The following TMEM44 variants were observed in gnomAD, a reference collection of about 807,000 sequenced individuals.
The protein encoded by TMEM44 is transmembrane protein 44.
Under a neutral mutation model 47.8 loss-of-function variants are expected in TMEM44, and 43 were observed. The observed-to-expected ratio is 0.90, with a 90% CI of 0.70 to 1.16. The LOEUF (loss-of-function observed/expected upper bound fraction) is 1.16. Ranked by LOEUF, TMEM44 falls within the 50% of genes most tolerant of loss-of-function variation. The pLI is 0.00. For missense variants in TMEM44, 568 were observed against 555.2 expected (o/e 1.02, Z -0.23); for synonymous variants, 277 against 238.8 (o/e 1.16, Z -1.48).
At chr3:194,592,946 G>T in intron 9 of TMEM44, 1 of 1,420,314 alleles carries the variant, frequency 7.0e-7, no homozygotes, top group Non-Finnish European at 9.9e-7. Context: ...AATTTGTCAT[G>T]GGTCTAGCCA....
chr3:194,589,461 CTTG>C (rs1164524028), intron 9 of TMEM44: 3 of 152,260 alleles, frequency 2.0e-5, no homozygotes, highest in African/African-American at 4.8e-5. Flanking sequence ...GGACATCTGC[CTTG>C]TTGTCTCAGG....
At chr3:194,610,827 C>A (rs1489818450) in intron 8 of TMEM44, 89 bp downstream of exon 8, 1 of 1,143,268 alleles carries the variant, frequency 8.7e-7, no homozygotes, top group Non-Finnish European at 1.3e-6. Context: ...CCTGCTCATC[C>A]CTCAGCTAAA....
intron 9 of TMEM44, among the ~76,000 whole-genome samples, chr3:194,594,159 CTATCTA>C (rs1313596127): frequency 1.2e-4 from 18 of 151,066 alleles, no homozygotes; most frequent in East Asian, 5.9e-4. Context: ...ATCTATCTAT[CTATCTA>C]TATCTATCTA....
intron 9 of TMEM44, among the ~76,000 whole-genome samples, chr3:194,590,770 T>C (rs1403980212): frequency 6.6e-6 from 1 of 152,158 alleles, no homozygotes; most frequent in Non-Finnish European, 1.5e-5. Flanking sequence ...AGGGTGATTC[T>C]TAGATGCCCT....
At chr3:194,608,976 C>T (rs908566121) in intron 8 of TMEM44, among the ~76,000 whole-genome samples, 1 of 152,174 alleles carries the variant, frequency 6.6e-6, no homozygotes, top group Non-Finnish European at 1.5e-5. Flanking sequence ...CAGGAGGCTG[C>T]TGGACTCAAG....
chr3:194,589,663 A>G (rs1205862667), intron 9 of TMEM44: 1 of 152,132 alleles, frequency 6.6e-6, no homozygotes, highest in Non-Finnish European at 1.5e-5. Flanking sequence ...GGGGTGAGTG[A>G]CGGGTTAATA....
At chr3:194,612,757 T>C (rs1628835) in intron 7 of TMEM44, among the ~76,000 whole-genome samples, 73,658 of 152,024 alleles carry the variant, frequency 0.48, 18,693 homozygotes, top group Non-Finnish European at 0.55. Flanking sequence ...CTCCGCCTTC[T>C]GGGTTCACGC....
chr3:194,603,844 G>A (rs995388362), intron 9 of TMEM44, among the ~76,000 whole-genome samples: 3 of 151,374 alleles, frequency 2.0e-5, no homozygotes, highest in Non-Finnish European at 2.9e-5. Flanking sequence ...GGGGCCCCAC[G>A]GAAGTTCATT....
At chr3:194,600,248 C>G (rs1055470064) in intron 9 of TMEM44, among the ~76,000 whole-genome samples, 3 of 152,032 alleles carry the variant, frequency 2.0e-5, no homozygotes, top group African/African-American at 7.2e-5. Flanking sequence ...TGTACCACTA[C>G]GCCAAGCTAA....
intron 2 of TMEM44, among the ~76,000 whole-genome samples, chr3:194,626,681 G>GTT (rs61419904): frequency 7.7e-4 from 102 of 133,092 alleles, no homozygotes; most frequent in African/African-American, 7.3e-4. Flanking sequence ...ATGTAGTTAA[G>GTT]TTTTTTTTTT....
chr3:194,628,482 T>C lies in TMEM44; in HGVS notation c.165A>G (p.Lys55=). The C allele has an allele frequency of 3.1e-6, 5 of 1,613,588 alleles. No individual in the cohort carries two copies. The highest frequency in any genetic ancestry group is 4.2e-6 in the Non-Finnish European group (5 of 1,179,770). ...ALLLYLRCAQ[K]PRQDQSALCA... ...ACAGTGCCGACTGGTCCTGTCTGGG[T>C]TTCTGTGCACATCTCAGATAGAGAA... Residue 55 remains lysine, a synonymous_variant, in exon 2 of 10, where the codon AAA becomes AAG. Coordinates refer to ENST00000347147, the MANE Select transcript of TMEM44 (RefSeq NM_001011655.3).
chr3:194,596,947 A>G (rs1380218876), intron 9 of TMEM44: 1 of 152,260 alleles, frequency 6.6e-6, no homozygotes, highest in Non-Finnish European at 1.5e-5. Context: ...GAGAGAGAAC[A>G]AGCAGTTGGG....
At chr3:194,627,070 C>T (rs2614759) in intron 2 of TMEM44, among the ~76,000 whole-genome samples, 120,771 of 152,000 alleles carry the variant, frequency 0.79, 48,232 homozygotes, top group East Asian at 0.97. Context: ...TACAGGCACG[C>T]GCCACCACGC....
At position 194,617,349 on chromosome 3, in the gene TMEM44, C is replaced by G. The variant is rs112217636; in HGVS notation, c.613-80G>C. ...GGGCCCTCAGTGGCACAGCAGGTTG[C>G]GGGGCAAGCCCTCTGCCTGCAGCCA... On this transcript the variant is annotated intron_variant, in intron 5 of 9. Coordinates refer to ENST00000347147, the MANE Select transcript of TMEM44 (RefSeq NM_001011655.3). 177 of 1,415,780 alleles carry G rather than the reference C, an allele frequency of 1.3e-4. No individual in the cohort carries two copies. The South Asian group carries it at 2.1e-3, about 17-fold the overall frequency. 87.7% of individuals were successfully genotyped at this position (1,415,780 alleles called of 1,614,324 possible). A position where few individuals can be genotyped will look rare whatever the true frequency, so the allele number is the denominator to read the frequency against.
At chr3:194,625,494 T>TTTG (rs1315981661) in intron 3 of TMEM44, among the ~76,000 whole-genome samples, 2 of 151,122 alleles carry the variant, frequency 1.3e-5, no homozygotes, top group Non-Finnish European at 2.9e-5. Context: ...TGTCACCAGG[T>TTTG]TTGTTGAGAC....
chr3:194,625,616 A>G (rs1675958), intron 3 of TMEM44, among the ~76,000 whole-genome samples: 120,858 of 152,124 alleles, frequency 0.79, 48,284 homozygotes, highest in East Asian at 0.97. Context: ...GAGTAGCTGG[A>G]ATTACAGGCG....
chr3:194,612,854 C>T (rs1025424491), intron 7 of TMEM44, among the ~76,000 whole-genome samples: 283 of 150,062 alleles, frequency 1.9e-3, no homozygotes, highest in African/African-American at 5.7e-3. Flanking sequence ...TTAGTAGAGA[C>T]GGGGTTTCAC....
intron 8 of TMEM44, among the ~76,000 whole-genome samples, chr3:194,605,613 C>T (rs776505834): frequency 6.6e-6 from 1 of 152,204 alleles, no homozygotes; most frequent in Non-Finnish European, 1.5e-5. Context: ...GTCACGAGAA[C>T]AGCACGGGAA....
rs148766147 is a variant in TMEM44, at chr3:194,593,893, C to T, written c.1177-5254G>A. On this transcript the variant is annotated intron_variant, in intron 9 of 9. Coordinates refer to ENST00000347147, the MANE Select transcript of TMEM44 (RefSeq NM_001011655.3). The stretch of plus-strand genomic sequence containing the variant: ...TGGCATGGTCATAGCCCACTGCTGC[C>T]TCCATCTCCTGGGCTCAACTGATCT... 4.1e-3 allele frequency among the ~76,000 whole-genome samples: 617 copies of T among 152,302 alleles called. 3 individuals carry two copies. Among genetic ancestry groups the T allele is most frequent in the Middle Eastern group, 0.017 (5 of 294 alleles).
Sources: allele counts gnomAD v4.1 joint callset (sites outside exome capture counted in the v4.1 genomes callset), GRCh38; gene constraint gnomAD v4.1.1; transcripts MANE v1.5; gene names NCBI Gene and HGNC (gene_info 2026-07-23, HGNC 2026-07-21).